Variants in RUFY3 observed in about 807,000 individuals in gnomAD.
The protein encoded by RUFY3 is protein RUFY3.
Under a neutral mutation model 84.0 loss-of-function variants are expected in RUFY3, and 34 were observed. The ratio of observed to expected loss-of-function variants is 0.40; its 90% CI spans 0.31 to 0.54. The LOEUF (loss-of-function observed/expected upper bound fraction) is 0.54. Among genes scored for constraint, RUFY3 ranks in the 20% least tolerant of loss-of-function variants. The probability of loss-of-function intolerance (pLI) is 0.39; values close to 1 mark genes in which losing one functional copy is unlikely to be tolerated. For missense variants in RUFY3, 507 were observed against 736.8 expected (o/e 0.69, Z 3.61); for synonymous variants, 242 against 252.9 (o/e 0.96, Z 0.41).
intron 1 of RUFY3, among the ~76,000 whole-genome samples, chr4:70,706,463 C>T (rs1026214701): frequency 6.6e-6 from 1 of 152,142 alleles, no homozygotes; most frequent in Non-Finnish European, 1.5e-5. Context: ...TTTGTGTGCG[C>T]CAAACTGAAT....
intron 8 of RUFY3, among the ~76,000 whole-genome samples, chr4:70,782,442 G>GC (rs1244066180): frequency 6.6e-6 from 1 of 151,124 alleles, no homozygotes; most frequent in Non-Finnish European, 1.5e-5. Flanking sequence ...ACACCACTAC[G>GC]CCCAGCTAAT....
At chr4:70,749,523 GTTTT>G (rs11333991) in intron 1 of RUFY3, among the ~76,000 whole-genome samples, 1 of 139,414 alleles carries the variant, frequency 7.2e-6, no homozygotes, top group Non-Finnish European at 1.6e-5. Context: ...CATCAAAAGG[GTTTT>G]TTTTTTTTTT....
chr4:70,733,615 A>G (rs1352517668), intron 1 of RUFY3, among the ~76,000 whole-genome samples: 1 of 152,224 alleles, frequency 6.6e-6, no homozygotes, highest in Non-Finnish European at 1.5e-5. Context: ...AAATTATTCA[A>G]TAAGTTGTAG....
intron 16 of RUFY3, chr4:70,803,274 T>C: frequency 3.2e-6 from 1 of 316,274 alleles, no homozygotes; most frequent in Non-Finnish European, 5.7e-6. Context: ...TTACATAAAA[T>C]GGAGAGAAAA....
At chr4:70,797,875 C>A (rs893098441) in intron 14 of RUFY3, among the ~76,000 whole-genome samples, 28 of 151,958 alleles carry the variant, frequency 1.8e-4, no homozygotes, top group African/African-American at 6.8e-4. Context: ...AAAAAACACT[C>A]TGTGTAGCAT....
intron 1 of RUFY3, among the ~76,000 whole-genome samples, chr4:70,761,382 G>A (rs1483671700): frequency 6.6e-6 from 1 of 152,184 alleles, no homozygotes; most frequent in Non-Finnish European, 1.5e-5. Context: ...GGAGGAGTCT[G>A]GCCTCTGGCT....
At position 70,722,302 on chromosome 4, in the gene RUFY3, G is replaced by A. The variant is rs892283494; in HGVS notation, c.-272G>A. 3 of 1,234,052 alleles carry A rather than the reference G, an allele frequency of 2.4e-6. No homozygotes were observed. In the African/African-American group the frequency reaches 4.6e-5, roughly 19 times the overall value. The allele number at this position is 1,234,052 out of a possible 1,614,324, so 76.4% of individuals were successfully genotyped here. A position where few individuals can be genotyped will look rare whatever the true frequency, so the allele number is the denominator to read the frequency against. ...GGAAGGGAAGATAAAAGGAGAGGAAGCTGGGAGAAGACAAGCATCATCTTA... is the reference window on the plus strand; with the variant it reads ...GGAAGGGAAGATAAAAGGAGAGGAAACTGGGAGAAGACAAGCATCATCTTA... On this transcript the variant is annotated 5_prime_UTR_variant, in exon 1 of 18. Transcript: ENST00000381006.
intron 1 of RUFY3, among the ~76,000 whole-genome samples, chr4:70,738,091 C>A (rs370556875): frequency 2.2e-4 from 33 of 151,116 alleles, no homozygotes; most frequent in South Asian, 2.1e-4. Context: ...TCAAGCAATC[C>A]TCCTACCTTG....
intron 7 of RUFY3, among the ~76,000 whole-genome samples, chr4:70,777,027 TAGAG>T (rs762874749): frequency 4.6e-5 from 7 of 152,338 alleles, no homozygotes; most frequent in East Asian, 1.9e-4. Flanking sequence ...GTTTGTGTCA[TAGAG>T]AGCACAAATC....
chr4:70,785,009 G>T, intron 10 of RUFY3, 130 bp downstream of exon 10: 7 of 520,964 alleles, frequency 1.3e-5, no homozygotes, highest in East Asian at 6.7e-5. Context: ...CCTATAAAAT[G>T]GTTCATCTCT....
intron 1 of RUFY3, among the ~76,000 whole-genome samples, chr4:70,730,028 C>A (rs1403653995): frequency 6.6e-6 from 1 of 151,500 alleles, no homozygotes; most frequent in African/African-American, 2.4e-5. Context: ...CCTGCCTCCC[C>A]AGTTCAAGCG....
intron 8 of RUFY3, among the ~76,000 whole-genome samples, chr4:70,782,362 G>A (rs1371054106): frequency 2.0e-5 from 3 of 148,424 alleles, no homozygotes; most frequent in Middle Eastern, 3.2e-3. Flanking sequence ...TCTTGATCTC[G>A]GGTCACTGCA....
chr4:70,721,612 G>A (rs1409931477), upstream of RUFY3, among the ~76,000 whole-genome samples: 2 of 151,942 alleles, frequency 1.3e-5, no homozygotes, highest in Non-Finnish European at 1.5e-5. Flanking sequence ...ATAACATTTA[G>A]CATAGTAAAG....
intron 1 of RUFY3, among the ~76,000 whole-genome samples, chr4:70,706,696 A>G (rs530188112): frequency 6.6e-6 from 1 of 152,346 alleles, no homozygotes; most frequent in African/African-American, 2.4e-5. Context: ...GTAATAAGTC[A>G]GTGGGCAGAC....
chr4:70,764,792 C>A (rs919417727), intron 4 of RUFY3, among the ~76,000 whole-genome samples: 6 of 152,110 alleles, frequency 3.9e-5, no homozygotes, highest in Admixed American at 3.9e-4. Flanking sequence ...TGGTCCTTTC[C>A]AAGGCAGGCC....
intron 1 of RUFY3, among the ~76,000 whole-genome samples, chr4:70,729,018 T>C (rs1187158381): frequency 6.6e-6 from 1 of 152,068 alleles, no homozygotes; most frequent in African/African-American, 2.4e-5. Flanking sequence ...AATTAGTCAA[T>C]GGAAAACTTT....
chr4:70,713,643 G>C (rs973911970), intron 1 of RUFY3, among the ~76,000 whole-genome samples: 9 of 152,198 alleles, frequency 5.9e-5, no homozygotes, highest in South Asian at 2.1e-4. Context: ...GCAAAAAGCA[G>C]GTGGAAAGCT....
intron 1 of RUFY3, among the ~76,000 whole-genome samples, chr4:70,738,347 G>C (rs1176898827): frequency 6.8e-6 from 1 of 147,492 alleles, no homozygotes; most frequent in Non-Finnish European, 1.5e-5. Context: ...TTGTCTATGG[G>C]TGTTTCATCT....
upstream of RUFY3, among the ~76,000 whole-genome samples, chr4:70,717,983 C>T (rs113305261): frequency 1.3e-3 from 197 of 147,806 alleles, 3 homozygotes; most frequent in African/African-American, 4.7e-3. Flanking sequence ...CCCGGGTTCA[C>T]GCCATTCTCC....
Sources: gnomAD v4.1 joint callset for allele counts (sites outside exome capture counted in the v4.1 genomes callset) on GRCh38, gnomAD v4.1.1 for gene constraint, MANE v1.5 for transcripts, NCBI Gene and HGNC (gene_info 2026-07-23, HGNC 2026-07-21) for gene names.